The following MCF2 variants were observed in gnomAD, a reference collection of about 807,000 sequenced individuals.
MCF2 encodes the protein MCF.2 cell line derived transforming sequence, also known as proto-oncogene DBL.
In MCF2, 44 loss-of-function variants were observed where a neutral mutation model predicts 82.5. The ratio of observed to expected loss-of-function variants is 0.53; its 90% confidence interval spans 0.42 to 0.69. The LOEUF (loss-of-function observed/expected upper bound fraction) is 0.69, where lower values mean the gene tolerates loss of function less well. MCF2 is among the 30% of genes least tolerant of loss of function. MCF2 has a pLI of 0.00. For missense variants in MCF2, 623 were observed against 663.1 expected, an observed-to-expected ratio of 0.94 and a Z score of 0.66; for synonymous variants, 217 against 224.9, an observed-to-expected ratio of 0.96 and a Z score of 0.32.
chrX:139,590,917 C>A (rs113492478), intron 19 of MCF2, among the ~76,000 whole-genome samples: 2,722 of 110,890 alleles, frequency 0.025, 41 homozygotes, highest in East Asian at 0.081. Context: ...GTAACATCCA[C>A]CCTGAACGTA....
chrX:139,643,905 A>G (rs1044703771), upstream of MCF2, among the ~76,000 whole-genome samples: 1 of 111,984 alleles, frequency 8.9e-6, no homozygotes, highest in Non-Finnish European at 1.9e-5. Flanking sequence ...TAATTTAATC[A>G]GGCGGGTGCA....
chrX:139,629,631 T>C (rs1932855414), intron 4 of MCF2, 64 bp downstream of exon 7: 2 of 1,046,701 alleles, frequency 1.9e-6, no homozygotes, highest in African/African-American at 3.8e-5. Flanking sequence ...AAAATGGAGA[T>C]AATAAACACC....
intron 13 of MCF2, 112 bp from the exon 18 acceptor site, chrX:139,605,096 T>C: frequency 3.1e-6 from 1 of 322,112 alleles, no homozygotes; most frequent in Non-Finnish European, 5.6e-6. Flanking sequence ...GTGAAGTTTT[T>C]TGAATTTTAT....
At chrX:139,583,213 G>A (rs1191835992) in intron 24 of MCF2, among the ~76,000 whole-genome samples, 1 of 111,917 alleles carries the variant, frequency 8.9e-6, no homozygotes, top group Non-Finnish European at 1.9e-5. Context: ...TCTTTTGTAA[G>A]TATTTAAGTA....
intron 1 of MCF2, among the ~76,000 whole-genome samples, chrX:139,693,483 A>AACACACAC (rs67506907): frequency 8.1e-5 from 8 of 98,434 alleles, no homozygotes; most frequent in African/African-American, 2.6e-4. Flanking sequence ...GTAGGGGAGG[A>AACACACAC]ACACACACAC....
chrX:139,651,782 T>C, exon 2 of MCF2: 1 of 1,140,305 alleles, frequency 8.8e-7, no homozygotes, highest in South Asian at 2.0e-5. Flanking sequence ...GAGGAGCAGA[T>C]CGGTTTCTAT....
chrX:139,655,578 T>A (rs1314427775), intron 1 of MCF2, among the ~76,000 whole-genome samples: 3 of 111,514 alleles, frequency 2.7e-5, no homozygotes, highest in Non-Finnish European at 5.6e-5. Flanking sequence ...CGTGCAGGTT[T>A]GTTACATATG....
rs1252595703 is a variant in MCF2 at position 139,649,472 on chromosome X, C to G, written c.25+2248G>C. Among the ~76,000 whole-genome samples the G allele has an allele frequency of 5.4e-5, 6 of 111,647 alleles. No individual in the cohort carries two copies. In the Admixed American group the frequency reaches 5.7e-4, roughly 11 times the overall value. On this transcript the variant is annotated intron_variant, in intron 2 of 27. Coordinates refer to the MCF2 transcript ENST00000414978. ...TAAATATCTTAAATATAACTACATA[C>G]TTGCCAAGCAAGCTGGTGAGCACTC... is the stretch of plus-strand genomic sequence containing the variant.
Position 139,613,200 on chromosome X carries a change from T to A in MCF2, c.1363+1681A>T. The A allele has an allele frequency of 9.0e-7, 1 of 1,110,573 alleles. No individual in the cohort carries two copies. The highest frequency in any genetic ancestry group is 1.2e-6 in the Non-Finnish European group (1 of 828,317). The allele number at this position is 1,110,573 out of a possible 1,213,427, so 91.5% of individuals were successfully genotyped here. The stretch of plus-strand genomic sequence containing the variant: ...GAAAAATGTATTGGCAAAAGTAATA[T>A]AATAAAGATGGGTACCTTTTGAAAA... On this transcript the variant is annotated intron_variant, in intron 10 of 24. Coordinates refer to ENST00000370576, the Ensembl canonical transcript of MCF2.
intron 7 of MCF2, 93 bp from the exon 11 acceptor site, chrX:139,617,797 G>T: frequency 2.0e-6 from 1 of 503,148 alleles, no homozygotes; most frequent in Non-Finnish European, 2.9e-6. Flanking sequence ...AAATGTTTGA[G>T]CAAGAAGGAT....
intron 1 of MCF2, among the ~76,000 whole-genome samples, chrX:139,687,200 C>G (rs1603307861): frequency 8.9e-6 from 1 of 112,115 alleles, no homozygotes; most frequent in Non-Finnish European, 1.9e-5. Flanking sequence ...CACTCTCCCC[C>G]AGTCACCTCT....
At chrX:139,625,463 A>T (rs1288588272) in intron 6 of MCF2, among the ~76,000 whole-genome samples, 1 of 111,474 alleles carries the variant, frequency 9.0e-6, no homozygotes, top group Non-Finnish European at 1.9e-5. Flanking sequence ...TCCAGAGTAC[A>T]GTGCTCCTCC....
At chrX:139,639,746 T>A (rs1280346507) in intron 1 of MCF2, among the ~76,000 whole-genome samples, 1 of 111,962 alleles carries the variant, frequency 8.9e-6, no homozygotes, top group Admixed American at 9.5e-5. Context: ...CATCACCCTA[T>A]GCACACTTTT....
At chrX:139,700,246 T>G (rs1283413183) in intron 1 of MCF2, among the ~76,000 whole-genome samples, 1 of 111,214 alleles carries the variant, frequency 9.0e-6, no homozygotes, top group African/African-American at 3.3e-5. Flanking sequence ...TTTAGGTTCC[T>G]TCTGCTTCCT....
At chrX:139,606,970 A>G (rs1303875775) in intron 12 of MCF2, among the ~76,000 whole-genome samples, 1 of 111,520 alleles carries the variant, frequency 9.0e-6, no homozygotes, top group Non-Finnish European at 1.9e-5. Flanking sequence ...AATTAAAAAG[A>G]TGAATATTCT....
chrX:139,629,719 A>T, exon 4 of MCF2: 3 of 1,208,629 alleles, frequency 2.5e-6, no homozygotes, highest in Non-Finnish European at 3.4e-6. Context: ...ACCTTTCAGC[A>T]CGAATTGCCA....
At chrX:139,652,989 T>C (rs1228712250) in intron 1 of MCF2, among the ~76,000 whole-genome samples, 1 of 112,263 alleles carries the variant, frequency 8.9e-6, no homozygotes, top group Non-Finnish European at 1.9e-5. Flanking sequence ...TTGATGTTTA[T>C]TTTCATAAGA....
At chrX:139,608,927 G>GT (rs1337881774) in intron 11 of MCF2, among the ~76,000 whole-genome samples, 1 of 111,727 alleles carries the variant, frequency 9.0e-6, no homozygotes, top group Non-Finnish European at 1.9e-5. Flanking sequence ...CAGGCTTCGT[G>GT]TATCAGTATA....
At chrX:139,610,203 C>T (rs558052640) in intron 11 of MCF2, 98 bp downstream of exon 15, 1 of 549,398 alleles carries the variant, frequency 1.8e-6, no homozygotes, top group South Asian at 3.3e-5. Context: ...TTCAAAGACA[C>T]AATATTTGTC....
Sources: gnomAD v4.1 joint callset for allele counts (sites outside exome capture counted in the v4.1 genomes callset) on GRCh38, gnomAD v4.1.1 for gene constraint, MANE v1.5 for transcripts, NCBI Gene and HGNC (gene_info 2026-07-23, HGNC 2026-07-21) for gene names.